The following TMC1 variants were observed in gnomAD, a reference collection of about 807,000 sequenced individuals.
TMC1 encodes transmembrane channel-like protein 1.
TMC1 carries 84 observed loss-of-function variants against 105.8 expected under a neutral mutation model. That is an observed-to-expected ratio of 0.79 (90% CI 0.67 to 0.95). The LOEUF is 0.95. TMC1 is among the 40% of genes least tolerant of loss of function. TMC1 has a pLI of 0.00. For synonymous variants in TMC1, 315 were observed against 311.5 expected, an observed-to-expected ratio of 1.01 and a Z score of -0.12; for missense variants, 817 against 914.1, an observed-to-expected ratio of 0.89 and a Z score of 1.37.
chr9:72,692,847 G>A (rs922510116), intron 6 of TMC1, among the ~76,000 whole-genome samples: 2 of 152,162 alleles, frequency 1.3e-5, no homozygotes, highest in Non-Finnish European at 2.9e-5. Context: ...GGCCGGGTGC[G>A]ATACCTCACA....
chr9:72,830,317 A>C, intron 21 of TMC1, 134 bp from the exon 22 acceptor site: 1 of 705,948 alleles, frequency 1.4e-6, no homozygotes, highest in Non-Finnish European at 2.5e-6. Context: ...CTATAAGACA[A>C]GAGATTTAGA....
At chr9:72,833,115 T>C (rs1353954590) in intron 23 of TMC1, among the ~76,000 whole-genome samples, 1 of 152,196 alleles carries the variant, frequency 6.6e-6, no homozygotes, top group Non-Finnish European at 1.5e-5. Context: ...TTTATACTCT[T>C]GCCCCAGTCT....
intron 10 of TMC1, among the ~76,000 whole-genome samples, chr9:72,745,219 A>G (rs1588061811): frequency 6.6e-6 from 1 of 152,254 alleles, no homozygotes; most frequent in South Asian, 2.1e-4. Context: ...TTTAATCTTC[A>G]GTGTTCCTGC....
chr9:72,669,220 G>T (rs942345502), intron 5 of TMC1, among the ~76,000 whole-genome samples: 3 of 152,104 alleles, frequency 2.0e-5, no homozygotes, highest in Admixed American at 2.0e-4. Flanking sequence ...GAGGCAGGAG[G>T]ATCGCTTGAA....
chr9:72,833,619 C>G (rs1306499732), intron 23 of TMC1, among the ~76,000 whole-genome samples: 1 of 152,164 alleles, frequency 6.6e-6, no homozygotes, highest in Non-Finnish European at 1.5e-5. Context: ...ATGTGAGAGG[C>G]AAATTTTCTG....
chr9:72,753,286 C>CTTTTTTTTTTTTTTT (rs5898269), intron 11 of TMC1, among the ~76,000 whole-genome samples: 7 of 81,822 alleles, frequency 8.6e-5, no homozygotes, highest in Admixed American at 3.1e-4. Context: ...TTAACCCCAG[C>CTTTTTTTTTTTTTTT]TTTTTTTTTT....
chr9:72,764,736 C>T (rs1421818770), intron 12 of TMC1, among the ~76,000 whole-genome samples: 1 of 152,054 alleles, frequency 6.6e-6, no homozygotes, highest in Non-Finnish European at 1.5e-5. Context: ...CTAATGATTA[C>T]CAGAAGCAAT....
rs149955031 is a variant in TMC1, at chr9:72,632,621, T to C, written c.-53+4558T>C. ...ACAAAGATAAAACAAACAGAGCAAGTATGAAAGATGTAATAGAAGCAAATG... is the reference window on the plus strand; with the variant it reads ...ACAAAGATAAAACAAACAGAGCAAGCATGAAAGATGTAATAGAAGCAAATG... On this transcript the variant is annotated intron_variant, in intron 4 of 23. Transcript: ENST00000297784. Among the ~76,000 whole-genome samples, 895 of 152,068 alleles carry C rather than the reference T, an allele frequency of 5.9e-3. 15 individuals carry two copies. The highest frequency in any genetic ancestry group is 0.02 in the African/African-American group (834 of 41,468).
At chr9:72,656,791 C>A (rs1413510274) in intron 5 of TMC1, among the ~76,000 whole-genome samples, 2 of 151,870 alleles carry the variant, frequency 1.3e-5, no homozygotes, top group Non-Finnish European at 2.9e-5. Flanking sequence ...TTTTTTTCCC[C>A]CCTCCGGGAT....
intron 5 of TMC1, chr9:72,651,258 C>G (rs1825810461): frequency 6.6e-6 from 1 of 151,838 alleles, no homozygotes; most frequent in South Asian, 2.1e-4. Flanking sequence ...TGAGGTAGCC[C>G]ATGAAGCGAT....
At chr9:72,807,190 C>T (rs1031389143) in intron 18 of TMC1, among the ~76,000 whole-genome samples, 2 of 152,110 alleles carry the variant, frequency 1.3e-5, no homozygotes, top group South Asian at 4.1e-4. Flanking sequence ...TGCAGTGAGC[C>T]GAGATGGCAG....
chr9:72,579,284 A>C (rs747798611), intron 2 of TMC1, among the ~76,000 whole-genome samples: 2 of 152,092 alleles, frequency 1.3e-5, no homozygotes, highest in Non-Finnish European at 2.9e-5. Context: ...ATGAGTTTAA[A>C]ACTTTGTCTT....
At chr9:72,644,025 T>G (rs903930341) in intron 4 of TMC1, among the ~76,000 whole-genome samples, 1 of 152,182 alleles carries the variant, frequency 6.6e-6, no homozygotes, top group Admixed American at 6.5e-5. Flanking sequence ...CCCTAGTGTC[T>G]AGTTATGTTG....
At chr9:72,720,167 G>A (rs927013860) in intron 8 of TMC1, among the ~76,000 whole-genome samples, 1 of 152,132 alleles carries the variant, frequency 6.6e-6, no homozygotes, top group Non-Finnish European at 1.5e-5. Context: ...AACTCTGAGA[G>A]GATAAATAAT....
At chr9:72,752,165 A>G (rs1176429235) in intron 11 of TMC1, among the ~76,000 whole-genome samples, 7 of 152,202 alleles carry the variant, frequency 4.6e-5, no homozygotes, top group Non-Finnish European at 1.0e-4. Context: ...TTGAAATTAT[A>G]TAACTTATGT....
intron 1 of TMC1, among the ~76,000 whole-genome samples, chr9:72,570,229 T>TTGTGTG (rs756068731): frequency 2.8e-3 from 248 of 87,670 alleles, no homozygotes; most frequent in Non-Finnish European, 4.6e-3. Flanking sequence ...GCTCAAAGAG[T>TTGTGTG]AGTGTGTGTG....
At chr9:72,605,628 T>C (rs1824899285) in intron 2 of TMC1, among the ~76,000 whole-genome samples, 1 of 148,012 alleles carries the variant, frequency 6.8e-6, no homozygotes. Flanking sequence ...CAGGCTGGAG[T>C]GCAGTGGTGC....
chr9:72,567,736 G>T (rs1824190428), intron 1 of TMC1, among the ~76,000 whole-genome samples: 1 of 152,152 alleles, frequency 6.6e-6, no homozygotes, highest in Admixed American at 6.6e-5. Context: ...TGAAATTTTG[G>T]TGGGGATACA....
chr9:72,699,848 TG>T (rs1826611940), intron 7 of TMC1, among the ~76,000 whole-genome samples: 1 of 144,622 alleles, frequency 6.9e-6, no homozygotes, highest in Non-Finnish European at 1.5e-5. Flanking sequence ...TCCCAGCTAC[TG>T]GGGAGCCTGA....
Sources: allele counts gnomAD v4.1 joint callset (sites outside exome capture counted in the v4.1 genomes callset), GRCh38; gene constraint gnomAD v4.1.1; transcripts MANE v1.5; gene names NCBI Gene and HGNC (gene_info 2026-07-23, HGNC 2026-07-21).